The following GABRG3 variants were observed in gnomAD, a reference collection of about 807,000 sequenced individuals.
GABRG3 encodes gamma-aminobutyric acid type A receptor subunit gamma3, also known as gamma-aminobutyric acid receptor subunit gamma-3.
GABRG3 carries 25 observed loss-of-function variants against 48.8 expected under a neutral mutation model. The observed-to-expected ratio is 0.51, with a 90% CI of 0.37 to 0.72. The LOEUF is 0.72. Among genes scored for constraint, GABRG3 ranks in the 30% least tolerant of loss-of-function variants. The pLI is 0.00. For missense variants in GABRG3, 394 were observed against 577.9 expected, an observed-to-expected ratio of 0.68 and a Z score of 3.26; for synonymous variants, 227 against 217.6, an observed-to-expected ratio of 1.04 and a Z score of -0.38.
intron 3 of GABRG3, among the ~76,000 whole-genome samples, chr15:27,259,788 A>C (rs1298345663): frequency 3.3e-5 from 5 of 152,178 alleles, no homozygotes; most frequent in African/African-American, 7.2e-5. Flanking sequence ...ATTATGTGAA[A>C]TATCTTGGAA....
chr15:27,334,185 T>G (rs1338162748), intron 5 of GABRG3, among the ~76,000 whole-genome samples: 1 of 152,242 alleles, frequency 6.6e-6, no homozygotes, highest in Non-Finnish European at 1.5e-5. Flanking sequence ...TGTCATAATC[T>G]GTTTTAAGTC....
rs1042573352 is a variant in GABRG3, at chr15:27,315,523, T to C, written c.271-11286T>C. Among the ~76,000 whole-genome samples, 3 of 152,214 alleles carry C rather than the reference T, an allele frequency of 2.0e-5. No homozygotes were observed. The East Asian group carries it at 5.8e-4, about 29-fold the overall frequency. Reference sequence around the variant, plus strand: ...TGTTTGGAGATACTTTAGGAAAACGTATTATATAGACATATTCCCATTATC... The same window carrying C: ...TGTTTGGAGATACTTTAGGAAAACGCATTATATAGACATATTCCCATTATC... On this transcript the variant is annotated intron_variant, in intron 3 of 9. Coordinates refer to ENST00000615808, the MANE Select transcript of GABRG3 (RefSeq NM_033223.5).
At chr15:27,238,088 G>C (rs775693536) in intron 3 of GABRG3, among the ~76,000 whole-genome samples, 14 of 142,652 alleles carry the variant, frequency 9.8e-5, no homozygotes, top group Non-Finnish European at 2.1e-4. Flanking sequence ...GACCTGGTGT[G>C]ATGGGATCAT....
At chr15:26,972,623 G>T (rs1162006557) in intron 1 of GABRG3, among the ~76,000 whole-genome samples, 1 of 152,156 alleles carries the variant, frequency 6.6e-6, no homozygotes, top group Non-Finnish European at 1.5e-5. Flanking sequence ...GAGAATCAGA[G>T]GGCATCCTTG....
Position 27,350,889 on chromosome 15 carries a change from TC to T in GABRG3, c.574+22002del, listed in dbSNP as rs1192825178. 5.5e-3 allele frequency among the ~76,000 whole-genome samples: 789 copies of T among 143,328 alleles called. 4 individuals are homozygous for T. The highest frequency in any genetic ancestry group is 0.02 in the African/African-American group (736 of 37,732). The allele number at this position is 143,328 out of a possible 152,430, so 94.0% of individuals were successfully genotyped here. A position where few individuals can be genotyped will look rare whatever the true frequency, so the allele number is the denominator to read the frequency against. ...TGTCCTTGTGAATGGTGTGTGTGTG[TC>T]GTGTGTGTTTGTGTGTGTGTATCAT... On this transcript the variant is annotated intron_variant, in intron 5 of 9. Coordinates refer to ENST00000615808, the MANE Select transcript of GABRG3 (RefSeq NM_033223.5).
intron 3 of GABRG3, among the ~76,000 whole-genome samples, chr15:27,306,295 A>G (rs183697491): frequency 0.014 from 1,900 of 137,732 alleles, 39 homozygotes; most frequent in Admixed American, 0.035. Flanking sequence ...ATGTCTATAT[A>G]TAAACATATA....
Position 27,180,941 on chromosome 15 carries a change from G to A in GABRG3, c.271-145868G>A, listed in dbSNP as rs556353191. On this transcript the variant is annotated intron_variant, in intron 3 of 9. Transcript: ENST00000615808. This position sits in a 1 kb window ranked among gnomAD's most constrained non-coding sequence, Gnocchi z 4.2. ...TATTTTAGGGTTGAAAACCCCTCTC[G>A]CTTTGGGTGTTACGTTCAGCTGCTG... Among the ~76,000 whole-genome samples the A allele has an allele frequency of 3.9e-5, 6 of 152,234 alleles. No individual in the cohort carries two copies. Among genetic ancestry groups the A allele is most frequent in the East Asian group, 1.9e-4 (1 of 5,160 alleles).
At chr15:27,091,873 T>C (rs1414113649) in intron 3 of GABRG3, among the ~76,000 whole-genome samples, 1 of 152,188 alleles carries the variant, frequency 6.6e-6, no homozygotes, top group African/African-American at 2.4e-5. Context: ...TGCAGTGTTC[T>C]CCTGTCCTGT....
chr15:27,434,863 G>A (rs149389647), intron 5 of GABRG3, among the ~76,000 whole-genome samples: 29 of 152,212 alleles, frequency 1.9e-4, no homozygotes, highest in Non-Finnish European at 3.1e-4. Context: ...TTCCCCTTTG[G>A]CAAGTAGCTG....
At chr15:27,474,659 T>G (rs997293341) in intron 5 of GABRG3, among the ~76,000 whole-genome samples, 3 of 152,160 alleles carry the variant, frequency 2.0e-5, no homozygotes, top group African/African-American at 7.2e-5. Context: ...TAAAAAGCCC[T>G]GCAAAGAACA....
At chr15:27,325,316 A>G (rs1893575040) in intron 3 of GABRG3, among the ~76,000 whole-genome samples, 1 of 152,158 alleles carries the variant, frequency 6.6e-6, no homozygotes, top group Admixed American at 6.5e-5. Flanking sequence ...CCCCAAGGGC[A>G]CATTCAGACA....
intron 3 of GABRG3, among the ~76,000 whole-genome samples, chr15:27,177,956 G>A (rs1475138418): frequency 6.6e-6 from 1 of 152,126 alleles, no homozygotes; most frequent in South Asian, 2.1e-4. Context: ...GGGAGATCCT[G>A]CCTAAACTCA....
chr15:27,295,345 T>C (rs941303859), intron 3 of GABRG3: 4 of 152,178 alleles, frequency 2.6e-5, no homozygotes, highest in Non-Finnish European at 5.9e-5. Flanking sequence ...CTTATTTAAC[T>C]GTCTTTAGAT....
chr15:27,483,927 T>C (rs1241082386), intron 6 of GABRG3, among the ~76,000 whole-genome samples: 2 of 152,134 alleles, frequency 1.3e-5, no homozygotes, highest in African/African-American at 4.8e-5. Context: ...ATAATAAAAA[T>C]CACATACTTT....
chr15:27,499,993 C>T (rs897067543), intron 6 of GABRG3, among the ~76,000 whole-genome samples: 3 of 152,196 alleles, frequency 2.0e-5, no homozygotes, highest in East Asian at 1.9e-4. Flanking sequence ...AGTGTGTCCC[C>T]GCTGCAAAAA....
At chr15:27,123,655 G>A (rs550745909) in intron 3 of GABRG3, among the ~76,000 whole-genome samples, 7 of 152,324 alleles carry the variant, frequency 4.6e-5, no homozygotes, top group Admixed American at 2.6e-4. Context: ...TGATGGGTGC[G>A]TATGACACAC....
intron 2 of GABRG3, among the ~76,000 whole-genome samples, chr15:26,989,994 A>T (rs942545647): frequency 6.6e-6 from 1 of 152,210 alleles, no homozygotes; most frequent in African/African-American, 2.4e-5. Flanking sequence ...CATTATGTAT[A>T]TGTGCTGCAT....
intron 2 of GABRG3, among the ~76,000 whole-genome samples, chr15:27,012,852 C>G (rs1487355718): frequency 6.6e-6 from 1 of 152,132 alleles, no homozygotes; most frequent in African/African-American, 2.4e-5. Context: ...CTCTGTCTAG[C>G]TCACCAGTCA....
chr15:27,196,773 A>G (rs1888509103), intron 3 of GABRG3, among the ~76,000 whole-genome samples: 1 of 152,224 alleles, frequency 6.6e-6, no homozygotes, highest in South Asian at 2.1e-4. Context: ...TACAAATCCC[A>G]TCTGGATCGT....
Sources: allele counts gnomAD v4.1 joint callset (sites outside exome capture counted in the v4.1 genomes callset), GRCh38; gene constraint gnomAD v4.1.1; non-coding constraint Gnocchi (gnomAD v3.1); transcripts MANE v1.5; gene names NCBI Gene and HGNC (gene_info 2026-07-23, HGNC 2026-07-21).